Variants in ANO1 observed in about 807,000 individuals in gnomAD.
The protein encoded by ANO1 is anoctamin-1.
A neutral mutation model predicts 124.0 loss-of-function variants in ANO1; 59 were observed. The observed-to-expected ratio is 0.48, with a 90% CI of 0.39 to 0.59. The LOEUF is 0.59. ANO1 is among the 20% of genes least tolerant of loss of function. ANO1 has a pLI of 0.00. For synonymous variants in ANO1, 529 were observed against 532.0 expected, an observed-to-expected ratio of 0.99 and a Z score of 0.08; for missense variants, 1,059 against 1,328.0, an observed-to-expected ratio of 0.80 and a Z score of 3.15.
chr11:70,102,980 A>T (rs1465573842), intron 2 of ANO1, 86 bp from the exon 3 acceptor site: 1 of 925,018 alleles, frequency 1.1e-6, no homozygotes, highest in Non-Finnish European at 1.7e-6. Flanking sequence ...CTGCTCGATA[A>T]ATTGTGGTGG....
At chr11:70,022,818 G>A (rs12420305) in intron 1 of ANO1, among the ~76,000 whole-genome samples, 38,248 of 152,068 alleles carry the variant, frequency 0.25, 5,565 homozygotes, top group South Asian at 0.34. Flanking sequence ...TGGAATCAAG[G>A]CTGCTAATCA....
At chr11:69,998,815 T>C (rs1368268919) in intron 1 of ANO1, among the ~76,000 whole-genome samples, 2 of 151,850 alleles carry the variant, frequency 1.3e-5, no homozygotes, top group Non-Finnish European at 2.9e-5. Context: ...GGGCGTGGTG[T>C]CAGGTGCCTG....
intron 1 of ANO1, among the ~76,000 whole-genome samples, chr11:70,080,190 T>C (rs949074820): frequency 3.3e-5 from 5 of 152,184 alleles, no homozygotes; most frequent in African/African-American, 9.7e-5. Flanking sequence ...TCTTAGCTCA[T>C]TGAACTCTCA....
chr11:69,995,670 G>A (rs1856255838), intron 1 of ANO1, among the ~76,000 whole-genome samples: 1 of 152,004 alleles, frequency 6.6e-6, no homozygotes. Context: ...GTTTGAGGGA[G>A]GAAGACCACC....
At chr11:70,168,470 G>A (rs779913161) in intron 21 of ANO1, among the ~76,000 whole-genome samples, 14 of 151,326 alleles carry the variant, frequency 9.3e-5, no homozygotes, top group Non-Finnish European at 1.9e-4. Flanking sequence ...GCCTCACCCC[G>A]TCATCCCTCT....
chr11:70,044,230 TAACA>T (rs1555005339), intron 1 of ANO1, among the ~76,000 whole-genome samples: 1 of 151,996 alleles, frequency 6.6e-6, no homozygotes, highest in Non-Finnish European at 1.5e-5. Context: ...TAAAATGGAA[TAACA>T]AACAATATCC....
At position 70,138,222 on chromosome 11, in the gene ANO1, G is replaced by A. The variant is rs957046064; in HGVS notation, c.1258+6143G>A. On this transcript the variant is annotated intron_variant, in intron 11 of 25. Transcript: ENST00000355303. ...TAGCTGGCCGTAGTGGCACGCGCCTGTAGTCCCAGCTACTTGGGAGTCTGA... is the reference window on the plus strand; with the variant it reads ...TAGCTGGCCGTAGTGGCACGCGCCTATAGTCCCAGCTACTTGGGAGTCTGA... 6.8e-5 allele frequency among the ~76,000 whole-genome samples: 10 copies of A among 146,400 alleles called. 1 individual carries two copies. Among genetic ancestry groups the A allele is most frequent in the Non-Finnish European group, 1.4e-4 (9 of 65,964 alleles).
At chr11:70,019,674 G>A (rs1856766566) in intron 1 of ANO1, among the ~76,000 whole-genome samples, 1 of 152,234 alleles carries the variant, frequency 6.6e-6, no homozygotes, top group African/African-American at 2.4e-5. Context: ...CAGCTTTCAT[G>A]TGTTTTCTTT....
chr11:70,132,025 C>A lies in ANO1; in HGVS notation c.1204C>A (p.His402Asn). The stretch of plus-strand genomic sequence containing the variant: ...AGCCTGCGCCACGGCCCGCGCCAGC[C>A]ACCTCTTCGACAACCCCGCCACGGT... ...SSACATARAS[H>N]LFDNPATVFF... The change falls in exon 11 of 26, where the codon CAC becomes AAC. Residue 402 changes from histidine to asparagine, a missense_variant. Coordinates refer to ENST00000355303, the MANE Select transcript of ANO1 (RefSeq NM_018043.7). 1 of 1,605,546 alleles carries A rather than the reference C, an allele frequency of 6.2e-7. No homozygotes were observed. Among genetic ancestry groups the A allele is most frequent in the Non-Finnish European group, 8.5e-7 (1 of 1,177,900 alleles).
the ANO1 span, among the ~76,000 whole-genome samples, chr11:69,973,183 A>G: frequency 1.3e-5 from 2 of 152,196 alleles, no homozygotes; most frequent in African/African-American, 4.8e-5. Flanking sequence ...TGCTGGGATT[A>G]CAGGCGTGAG....
chr11:70,060,018 G>A (rs1857538330), intron 1 of ANO1, among the ~76,000 whole-genome samples: 1 of 136,482 alleles, frequency 7.3e-6, no homozygotes, highest in South Asian at 2.5e-4. Flanking sequence ...AATAAGATCA[G>A]TAGGTTTCTG....
Position 70,062,164 on chromosome 11 carries a change from C to T in ANO1, c.59-16378C>T, listed in dbSNP as rs527324336. Among the ~76,000 whole-genome samples, 4 of 147,758 alleles carry T rather than the reference C, an allele frequency of 2.7e-5. No individual in the cohort carries two copies. In the East Asian group the frequency reaches 8.0e-4, roughly 29 times the overall value. ...CAATCTTGGCTCACTGCAACCTCTG[C>T]CTCTGAGGTTCAAGCGATTCTCCTG... is the stretch of plus-strand genomic sequence containing the variant. On this transcript the variant is annotated intron_variant, in intron 1 of 27. Transcript: ENST00000531349.
chr11:70,131,786 A>T, intron 10 of ANO1, 133 bp from the exon 11 acceptor site: 1 of 1,057,144 alleles, frequency 9.5e-7, no homozygotes, highest in Non-Finnish European at 1.4e-6. Context: ...TATGTCCACT[A>T]TGGCATGGAC....
At chr11:69,972,714 G>A in the ANO1 span, among the ~76,000 whole-genome samples, 8 of 151,940 alleles carry the variant, frequency 5.3e-5, no homozygotes, top group Non-Finnish European at 8.8e-5. Flanking sequence ...CTGACAGCAC[G>A]CCTCAGAGAG....
Position 70,149,716 on chromosome 11 carries a change from C to T in ANO1, c.1265C>T (p.Thr422Ile). ...GTTTTGCCCCTGCCCGCAGCTGCCA[C>T]CTTCATGGAGCACTGGAAGCGGAAA... Reference protein sequence around the residue: ...FSVFMALWAATFMEHWKRKQM... With the variant: ...FSVFMALWAAIFMEHWKRKQM... The change falls in exon 12 of 26, where the codon ACC (threonine) becomes ATC (isoleucine). Residue 422 changes from threonine (T) to isoleucine (I), a missense_variant. Physicochemically the swap from Thr to Ile is moderately conservative, Grantham distance 89. Coordinates refer to ENST00000355303, the MANE Select transcript of ANO1 (RefSeq NM_018043.7). 6.2e-7 allele frequency: 1 copy of T among 1,613,582 alleles called. No individual in the cohort carries two copies. The highest frequency in any genetic ancestry group is 8.5e-7 in the Non-Finnish European group (1 of 1,179,810).
chr11:70,117,096 C>CTTTTTTTTTTTTTTT (rs1479602475), intron 8 of ANO1, among the ~76,000 whole-genome samples: 2 of 75,966 alleles, frequency 2.6e-5, no homozygotes, highest in African/African-American at 4.8e-5. Flanking sequence ...TTCTTTGTTT[C>CTTTTTTTTTTTTTTT]TTTCTTTTTT....
intron 2 of ANO1, among the ~76,000 whole-genome samples, chr11:70,095,389 A>G (rs1314382372): frequency 2.7e-5 from 1 of 37,726 alleles, no homozygotes; most frequent in Non-Finnish European, 6.6e-5. Context: ...AAAGAAAGAA[A>G]GAAAGAAAGA....
chr11:70,030,678 C>T (rs532469450), intron 1 of ANO1, among the ~76,000 whole-genome samples: 2 of 152,244 alleles, frequency 1.3e-5, no homozygotes, highest in African/African-American at 4.8e-5. Context: ...GACATTAGGA[C>T]CCACCCGAAT....
intron 1 of ANO1, chr11:70,085,385 T>A: frequency 2.1e-5 from 30 of 1,404,248 alleles, no homozygotes; most frequent in East Asian, 3.0e-5. Context: ...ACCCTCAGAC[T>A]TTGTCACAGA....
Sources: allele counts gnomAD v4.1 joint callset (sites outside exome capture counted in the v4.1 genomes callset), GRCh38; gene constraint gnomAD v4.1.1; transcripts MANE v1.5; gene names NCBI Gene and HGNC (gene_info 2026-07-23, HGNC 2026-07-21).